The following ACTN1 variants were observed in gnomAD, a reference collection of about 807,000 sequenced individuals.
The protein encoded by ACTN1 is alpha-actinin-1.
In ACTN1, 30 loss-of-function variants were observed where a neutral mutation model predicts 119.6. That is an observed-to-expected ratio of 0.25 (90% CI 0.19 to 0.34). The LOEUF is 0.34. Among genes scored for constraint, ACTN1 ranks in the 10% least tolerant of loss-of-function variants. The pLI, the probability that ACTN1 is intolerant of heterozygous loss-of-function variation, is 1.00. For missense variants in ACTN1, 764 were observed against 1,223.4 expected (o/e 0.62, Z 5.60); for synonymous variants, 429 against 472.6 (o/e 0.91, Z 1.20).
At position 68,880,865 on chromosome 14, in the gene ACTN1, T is replaced by C. The variant is rs1376863160; in HGVS notation, c.2078A>G (p.Gln693Arg). 3 of 1,613,884 alleles carry C rather than the reference T, an allele frequency of 1.9e-6. No homozygotes were observed. Among genetic ancestry groups the C allele is most frequent in the African/African-American group, 1.3e-5 (1 of 74,922 alleles). The change falls in exon 17 of 22, where the codon CAG becomes CGG. Residue 693 changes from glutamine to arginine, a missense_variant. Around this residue, in one of 4 missense-constraint regions of ACTN1, gnomAD observed 544 missense variants for 912.0 expected, o/e 0.60. Transcript: ENST00000394419. This position sits in a 1 kb window ranked among gnomAD's most constrained non-coding sequence, Gnocchi z 4.6. ...PKIDQLEGDH[Q>R]LIQEALIFDN... The stretch of plus-strand genomic sequence containing the variant: ...GAAGATGAGCGCCTCCTGGATGAGC[T>C]GGTGGTCGCCCTCCAGCTGATCAAT...
intron 1 of ACTN1, among the ~76,000 whole-genome samples, chr14:68,926,066 G>A (rs1245605043): frequency 1.3e-5 from 2 of 152,288 alleles, no homozygotes; most frequent in East Asian, 1.9e-4. Context: ...GAGTAACCCC[G>A]AAGGAACATA....
chr14:68,936,623 C>T (rs981915497), intron 1 of ACTN1: 6 of 594,894 alleles, frequency 1.0e-5, no homozygotes, highest in Middle Eastern at 5.0e-4. Flanking sequence ...CCAAAAGCAC[C>T]GAGAGTTCGT....
At chr14:68,881,677 T>G (rs769892956) in intron 16 of ACTN1, among the ~76,000 whole-genome samples, 2 of 152,164 alleles carry the variant, frequency 1.3e-5, no homozygotes, top group Non-Finnish European at 2.9e-5. Context: ...TCAGAGGCCA[T>G]GCTCTAGCCA....
In ACTN1 at chr14:68,925,519, A is replaced by C. The variant is rs2140385951; in HGVS notation, c.220+39T>G. 6.4e-7 allele frequency: 1 copy of C among 1,557,706 alleles called. No homozygotes were observed. Among genetic ancestry groups the C allele is most frequent in the East Asian group, 2.3e-5 (1 of 44,316 alleles). ...AGATGCCAAGGTGTCAGGCAGCACC[A>C]ATAGACAGTATCTCGTCCTGGGCCA... On this transcript the variant is annotated intron_variant, in intron 2 of 21. Transcript: ENST00000394419. The surrounding 1 kb of genome is among the most constrained non-coding windows in gnomAD (Gnocchi z 4.3).
intron 1 of ACTN1, among the ~76,000 whole-genome samples, chr14:68,953,763 T>C (rs2036254264): frequency 6.6e-6 from 1 of 151,280 alleles, no homozygotes; most frequent in African/African-American, 2.4e-5. Context: ...GGCATGCGCC[T>C]GTACTCCCAG....
intron 1 of ACTN1, among the ~76,000 whole-genome samples, chr14:68,965,937 G>T (rs758900780): frequency 6.6e-6 from 1 of 152,188 alleles, no homozygotes; most frequent in Non-Finnish European, 1.5e-5. Context: ...TGCCTGACTC[G>T]GATGAGTATG....
chr14:68,904,693 T>C lies in ACTN1; in HGVS notation c.638A>G (p.Glu213Gly). The C allele has an allele frequency of 1.2e-6, 2 of 1,614,122 alleles. No homozygotes were observed. Among genetic ancestry groups the C allele is most frequent in the Non-Finnish European group, 1.7e-6 (2 of 1,179,986 alleles). ...TNLNTAFDVAEKYLDIPKMLD... is the reference protein window; with the variant it reads ...TNLNTAFDVAGKYLDIPKMLD... ...CATCTTGGGGATGTCCAGGTACTTC[T>C]CTGCCACGTCAAAAGCCGTATTCAG... Residue 213 changes from glutamate to glycine, a missense_variant, in exon 7 of 22, where the codon GAG (glutamate) becomes GGG (glycine). This residue lies in a region of ACTN1 where 544 missense variants were observed against 912.0 expected (regional missense o/e 0.60). Coordinates refer to ENST00000394419, the MANE Select transcript of ACTN1 (RefSeq NM_001130004.2).
chr14:68,874,913 A>C lies in ACTN1; in HGVS notation c.2691T>G (p.Gly897=). 3 of 1,611,172 alleles carry C rather than the reference A, an allele frequency of 1.9e-6. No homozygotes were observed. The highest frequency in any genetic ancestry group is 2.5e-6 in the Non-Finnish European group (3 of 1,177,880). Residue 897 remains glycine (G), a synonymous_variant, in exon 22 of 22, where the codon GGT becomes GGG. Transcript: ENST00000394419. ...TGGAGAAGGACATGTAGTCCAGAGCACCTGGCACGGAGTCGGGGCCGGTGT... is the reference window on the plus strand; with the variant it reads ...TGGAGAAGGACATGTAGTCCAGAGCCCCTGGCACGGAGTCGGGGCCGGTGT... ...APYTGPDSVP[G]ALDYMSFSTA...
intron 1 of ACTN1, among the ~76,000 whole-genome samples, chr14:68,953,735 A>G (rs1475829822): frequency 6.6e-6 from 1 of 151,924 alleles, no homozygotes; most frequent in African/African-American, 2.4e-5. Flanking sequence ...AAAAAAAAAA[A>G]AATTAGCTAG....
In ACTN1 at chr14:68,878,737, C is replaced by T; in HGVS notation, c.2362-214G>A. The stretch of plus-strand genomic sequence containing the variant: ...AGGAGGAAGACAGAGCAGGGAGATG[C>T]AAAAATCCACCCATGGGATGAAGAG... On this transcript the variant is annotated intron_variant, in intron 19 of 21. Transcript: ENST00000394419. This position sits in a 1 kb window ranked among gnomAD's most constrained non-coding sequence, Gnocchi z 4.4. 1 of 1,537,992 alleles carries T rather than the reference C, an allele frequency of 6.5e-7. No individual in the cohort carries two copies. Among genetic ancestry groups the T allele is most frequent in the South Asian group, 1.2e-5 (1 of 84,518 alleles).
Position 68,879,005 on chromosome 14 carries a change from A to G in ACTN1, c.2345T>C (p.Ile782Thr). 2 of 1,613,162 alleles carry G rather than the reference A, an allele frequency of 1.2e-6. No individual in the cohort carries two copies. The highest frequency in any genetic ancestry group is 1.7e-6 in the Non-Finnish European group (2 of 1,179,816). Residue 782 changes from isoleucine to threonine, a missense_variant, in exon 19 of 22, where the codon ATT becomes ACT. By Grantham distance (89) the Ile-to-Thr change is moderately conservative (BLOSUM62 -1). Around this residue, in one of 4 missense-constraint regions of ACTN1, gnomAD observed 544 missense variants for 912.0 expected, o/e 0.60. Transcript: ENST00000394419. This position sits in a 1 kb window ranked among gnomAD's most constrained non-coding sequence, Gnocchi z 4.9. ...KACLISLGYD[I>T]GNDPQKKTGM... ...GGCGAGTACCTGGGGGTCGTTGCCA[A>G]TATCATAACCCAAGCTGATGAGGCA...
intron 1 of ACTN1, among the ~76,000 whole-genome samples, chr14:68,970,799 A>G (rs75174273): frequency 0.14 from 20,753 of 152,244 alleles, 1,626 homozygotes; most frequent in African/African-American, 0.2. Flanking sequence ...AAGTACCTTC[A>G]CTGAGGCCTA....
rs375651230 is a variant in ACTN1, at chr14:68,892,488, T to C, written c.856-205A>G. On this transcript the variant is annotated intron_variant, in intron 9 of 21. Coordinates refer to ENST00000394419, the MANE Select transcript of ACTN1 (RefSeq NM_001130004.2). Reference sequence around the variant, plus strand: ...TGAGAACCACAGGCTTCGTGAAGCCTGGCTACTAGGGTACATCGACTCACA... The same window carrying C: ...TGAGAACCACAGGCTTCGTGAAGCCCGGCTACTAGGGTACATCGACTCACA... Among the ~76,000 whole-genome samples the C allele has an allele frequency of 2.0e-4, 31 of 152,296 alleles. No individual in the cohort carries two copies. In the East Asian group the frequency reaches 5.2e-3, roughly 26 times the overall value.
chr14:68,948,000 A>G (rs943672477), intron 1 of ACTN1, among the ~76,000 whole-genome samples: 2 of 152,212 alleles, frequency 1.3e-5, no homozygotes, highest in East Asian at 1.9e-4. Context: ...GCCAGAGTTT[A>G]GCAACTCCCA....
rs1176628538 is a variant in ACTN1 at position 68,979,190 on chromosome 14, C to T, written c.-134G>A. The T allele has an allele frequency of 4.3e-6, 2 of 463,196 alleles. No individual in the cohort carries two copies. Among genetic ancestry groups the T allele is most frequent in the African/African-American group, 2.1e-5 (1 of 47,534 alleles). The allele number at this position is 463,196 out of a possible 1,614,324, so 28.7% of individuals were successfully genotyped here. On this transcript the variant is annotated 5_prime_UTR_variant, in exon 1 of 22. Transcript: ENST00000394419. ...GGGGCCGGGCTCGCTCCCCTGCGCC[C>T]GGTTCCGCCGCGGCGCTGCTGGCGA...
At chr14:68,919,043 A>C (rs1255052389) in intron 3 of ACTN1, among the ~76,000 whole-genome samples, 1 of 152,208 alleles carries the variant, frequency 6.6e-6, no homozygotes, top group Non-Finnish European at 1.5e-5. Context: ...CAGAGCGGGT[A>C]CTCGGTGAGT....
At position 68,878,783 on chromosome 14, in the gene ACTN1, G is replaced by A. The variant is rs184910112; in HGVS notation, c.2361+206C>T. On this transcript the variant is annotated intron_variant, in intron 19 of 21. Coordinates refer to ENST00000394419, the MANE Select transcript of ACTN1 (RefSeq NM_001130004.2). This position sits in a 1 kb window ranked among gnomAD's most constrained non-coding sequence, Gnocchi z 4.4. ...AAGAGCAGCGAGGACGGAAGACAGC[G>A]GGCACCCAGTAGGTTGCCATGAAAG... 514 of 1,567,994 alleles carry A rather than the reference G, an allele frequency of 3.3e-4. 7 individuals carry two copies. The East Asian group carries it at 0.011, about 34-fold the overall frequency.
chr14:68,949,689 AG>A (rs1482972035), intron 1 of ACTN1, among the ~76,000 whole-genome samples: 2 of 152,250 alleles, frequency 1.3e-5, no homozygotes, highest in African/African-American at 2.4e-5. Flanking sequence ...AACGGCCAAA[AG>A]GGGGGAACAA....
intron 1 of ACTN1, among the ~76,000 whole-genome samples, chr14:68,940,019 C>T (rs934302453): frequency 2.6e-5 from 4 of 152,262 alleles, no homozygotes; most frequent in Non-Finnish European, 1.5e-5. Context: ...ACTAAATGGG[C>T]GGAGCTGGTC....
Sources: gnomAD v4.1 joint callset for allele counts (sites outside exome capture counted in the v4.1 genomes callset) on GRCh38, gnomAD v4.1.1 for gene constraint, gnomAD v4.1.1 regional missense constraint, Gnocchi (gnomAD v3.1) non-coding constraint, MANE v1.5 for transcripts, NCBI Gene and HGNC (gene_info 2026-07-23, HGNC 2026-07-21) for gene names.